The following CAMSAP2 variants were observed in gnomAD, a reference collection of about 807,000 sequenced individuals.
CAMSAP2 encodes calmodulin-regulated spectrin-associated protein 2.
Under a neutral mutation model 146.1 loss-of-function variants are expected in CAMSAP2, and 26 were observed. That is an observed-to-expected ratio of 0.18 (90% CI 0.13 to 0.25). CAMSAP2 has a LOEUF of 0.25. Among genes scored for constraint, CAMSAP2 ranks in the 10% least tolerant of loss-of-function variants. CAMSAP2 has a pLI of 1.00. For missense variants in CAMSAP2, 1,381 were observed against 1,759.3 expected, an observed-to-expected ratio of 0.78 and a Z score of 3.85; for synonymous variants, 499 against 596.6, an observed-to-expected ratio of 0.84 and a Z score of 2.38.
chr1:200,796,269 T>A (rs1665881810), intron 2 of CAMSAP2, among the ~76,000 whole-genome samples: 1 of 152,094 alleles, frequency 6.6e-6, no homozygotes, highest in South Asian at 2.1e-4. Flanking sequence ...TTTTTTGTGT[T>A]AAAAAAAATC....
intron 3 of CAMSAP2, among the ~76,000 whole-genome samples, chr1:200,811,031 C>T (rs543076303): frequency 6.6e-6 from 1 of 152,236 alleles, no homozygotes; most frequent in Non-Finnish European, 1.5e-5. Context: ...TCTTCTCTCT[C>T]TCTCCCATAC....
Position 200,761,100 on chromosome 1 carries a change from T to G in CAMSAP2, c.399+2T>G. 1 of 1,613,684 alleles carries G rather than the reference T, an allele frequency of 6.2e-7. No homozygotes were observed. Among genetic ancestry groups the G allele is most frequent in the Non-Finnish European group, 8.5e-7 (1 of 1,179,650 alleles). On this transcript the variant is annotated splice_donor_variant, in intron 2 of 16. Coordinates refer to ENST00000358823, the MANE Select transcript of CAMSAP2 (RefSeq NM_203459.4). LOFTEE classifies it high-confidence loss of function. The stretch of plus-strand genomic sequence containing the variant: ...CTCCACAAGAAACCCATACAGATGG[T>G]GAGTCTTTATATACCCAAGATTATT...
At chr1:200,828,916 G>T (rs1666972301) in intron 4 of CAMSAP2, among the ~76,000 whole-genome samples, 1 of 151,552 alleles carries the variant, frequency 6.6e-6, no homozygotes, top group African/African-American at 2.4e-5. Flanking sequence ...CCAGCACTTT[G>T]GGAGGCCAAG....
At chr1:200,826,908 G>C (rs928143300) in intron 4 of CAMSAP2, among the ~76,000 whole-genome samples, 2 of 151,978 alleles carry the variant, frequency 1.3e-5, no homozygotes, top group African/African-American at 4.8e-5. Context: ...CTTTGTCCTC[G>C]TGGTTATTTA....
intron 8 of CAMSAP2, among the ~76,000 whole-genome samples, chr1:200,845,298 T>C (rs2102243393): frequency 6.6e-6 from 1 of 151,820 alleles, no homozygotes; most frequent in South Asian, 2.1e-4. Flanking sequence ...GAGATCACAG[T>C]GTTACCCACA....
chr1:200,832,093 T>C lies in CAMSAP2; in HGVS notation c.646-107T>C, dbSNP rs1667057155. On this transcript the variant is annotated intron_variant, in intron 4 of 16. Coordinates refer to ENST00000358823, the MANE Select transcript of CAMSAP2 (RefSeq NM_203459.4). The surrounding 1 kb of genome is among the most constrained non-coding windows in gnomAD (Gnocchi z 4.2). ...AGAAATATTGGTGAGTGGTCTCATT[T>C]CTCATGATTTATTTTATTACTGGTA... The C allele has an allele frequency of 2.3e-6, 2 of 888,502 alleles. No homozygotes were observed. Among genetic ancestry groups the C allele is most frequent in the Non-Finnish European group, 3.3e-6 (2 of 600,680 alleles). The allele number at this position is 888,502 out of a possible 1,614,324, so 55.0% of individuals were successfully genotyped here.
At chr1:200,816,294 A>C (rs941805028) in intron 4 of CAMSAP2, among the ~76,000 whole-genome samples, 3 of 146,608 alleles carry the variant, frequency 2.0e-5, no homozygotes, top group African/African-American at 7.6e-5. Context: ...TCTCAAACAA[A>C]AAAAATATAT....
intron 2 of CAMSAP2, among the ~76,000 whole-genome samples, chr1:200,768,655 T>TG (rs1284895904): frequency 2.8e-3 from 423 of 152,090 alleles, no homozygotes; most frequent in African/African-American, 9.4e-3. Context: ...GAGACTTTTT[T>TG]TTTGTTGTTG....
intron 14 of CAMSAP2, among the ~76,000 whole-genome samples, chr1:200,855,189 A>G (rs1667719496): frequency 1.3e-5 from 2 of 152,114 alleles, no homozygotes; most frequent in Non-Finnish European, 2.9e-5. Context: ...AATTGCTAAC[A>G]TGATTATTAA....
At chr1:200,742,269 T>C (rs959286632) in intron 1 of CAMSAP2, among the ~76,000 whole-genome samples, 5 of 152,228 alleles carry the variant, frequency 3.3e-5, no homozygotes, top group Admixed American at 3.3e-4. Context: ...TGAAGTCTAA[T>C]TTTTTCTTTA....
intron 2 of CAMSAP2, among the ~76,000 whole-genome samples, chr1:200,774,534 C>G (rs1020672004): frequency 1.3e-5 from 2 of 152,000 alleles, no homozygotes; most frequent in African/African-American, 2.4e-5. Flanking sequence ...AACAAGTAAA[C>G]AAATATTAAA....
chr1:200,797,992 C>T (rs1462749173), intron 2 of CAMSAP2, among the ~76,000 whole-genome samples: 13 of 152,110 alleles, frequency 8.5e-5, no homozygotes, highest in South Asian at 4.2e-4. Context: ...AGGTATGCGG[C>T]GTTATTTCTG....
At chr1:200,787,681 C>T (rs774449445) in intron 2 of CAMSAP2, among the ~76,000 whole-genome samples, 1 of 152,128 alleles carries the variant, frequency 6.6e-6, no homozygotes, top group Non-Finnish European at 1.5e-5. Context: ...ACTGACTCCA[C>T]GTTTGAAAGA....
intron 2 of CAMSAP2, among the ~76,000 whole-genome samples, chr1:200,773,698 A>G (rs1389347470): frequency 6.6e-6 from 1 of 152,094 alleles, no homozygotes; most frequent in Admixed American, 6.6e-5. Context: ...TTAAATATCT[A>G]AAAAACTAAT....
chr1:200,819,272 TTC>T (rs780616978), intron 4 of CAMSAP2, among the ~76,000 whole-genome samples: 17 of 152,204 alleles, frequency 1.1e-4, no homozygotes, highest in Non-Finnish European at 1.8e-4. Flanking sequence ...TAATGTTATT[TTC>T]TCTTTTTTTT....
chr1:200,766,580 G>A (rs1664958641), intron 2 of CAMSAP2, among the ~76,000 whole-genome samples: 1 of 152,148 alleles, frequency 6.6e-6, no homozygotes, highest in Admixed American at 6.6e-5. Flanking sequence ...AGAATATAAG[G>A]TCACAGAGCA....
chr1:200,849,642 C>T lies in CAMSAP2; in HGVS notation c.2873C>T (p.Pro958Leu), dbSNP rs3753952. Residue 958 changes from proline to leucine, a missense_variant, in exon 11 of 17, where the codon CCA (proline) becomes CTA (leucine). Physicochemically the swap from Pro to Leu is moderately conservative, Grantham distance 98 (BLOSUM62 -3). Coordinates refer to ENST00000358823, the MANE Select transcript of CAMSAP2 (RefSeq NM_203459.4). The surrounding 1 kb of genome is among the most constrained non-coding windows in gnomAD (Gnocchi z 6.3). ...FSSDSPRPTH[P>L]SPQSSNRKSA... ...TCAGACTCCCCTCGTCCTACTCACC[C>T]ATCTCCACAGTCTTCTAACAGGAAA... 815 of 1,614,198 alleles carry T rather than the reference C, an allele frequency of 5.0e-4. 20 individuals are homozygous for T. The East Asian group carries it at 0.018, about 36-fold the overall frequency.
chr1:200,785,009 TA>T (rs2103025579), intron 2 of CAMSAP2, among the ~76,000 whole-genome samples: 1 of 152,358 alleles, frequency 6.6e-6, no homozygotes, highest in Admixed American at 6.5e-5. Context: ...CTGCCTCTAT[TA>T]AGATAATCAT....
In CAMSAP2 at chr1:200,848,247, A is replaced by G. The variant is rs1216901423; in HGVS notation, c.1478A>G (p.Asp493Gly). Residue 493 changes from aspartate to glycine, a missense_variant, in exon 11 of 17, where the codon GAT becomes GGT. By Grantham distance (94) the Asp-to-Gly change is moderately conservative. Coordinates refer to ENST00000358823, the MANE Select transcript of CAMSAP2 (RefSeq NM_203459.4). ...AESIEEELNI[D>G]SHSDLKSCVP... ...AGCATTGAAGAAGAACTTAATATAG[A>G]TTCTCACAGTGACCTCAAATCTTGT... 6 of 1,613,474 alleles carry G rather than the reference A, an allele frequency of 3.7e-6. No individual in the cohort carries two copies. Among genetic ancestry groups the G allele is most frequent in the Non-Finnish European group, 5.1e-6 (6 of 1,179,776 alleles).
Sources: gnomAD v4.1 joint callset for allele counts (sites outside exome capture counted in the v4.1 genomes callset) on GRCh38, gnomAD v4.1.1 for gene constraint, Gnocchi (gnomAD v3.1) non-coding constraint, MANE v1.5 for transcripts, NCBI Gene and HGNC (gene_info 2026-07-23, HGNC 2026-07-21) for gene names.